Variants in CTNNA2 observed in about 807,000 individuals in gnomAD.
The protein encoded by CTNNA2 is catenin alpha-2.
A neutral mutation model predicts 101.0 loss-of-function variants in CTNNA2; 42 were observed. The observed-to-expected ratio is 0.42, with a 90% CI of 0.32 to 0.54. The LOEUF (loss-of-function observed/expected upper bound fraction) is 0.54, where lower values mean the gene tolerates loss of function less well. CTNNA2 is among the 20% of genes least tolerant of loss of function. CTNNA2 has a pLI of 0.14. For missense variants in CTNNA2, 871 were observed against 1,223.1 expected (o/e 0.71, Z 4.29); for synonymous variants, 450 against 456.4 (o/e 0.99, Z 0.18).
intron 7 of CTNNA2, among the ~76,000 whole-genome samples, chr2:79,918,592 A>C (rs1368888147): frequency 6.6e-6 from 1 of 152,202 alleles, no homozygotes; most frequent in African/African-American, 2.4e-5. Flanking sequence ...TCCTCTAAAA[A>C]TTTCTAACCA....
intron 9 of CTNNA2, among the ~76,000 whole-genome samples, chr2:80,447,278 T>C (rs996964771): frequency 2.0e-5 from 3 of 152,204 alleles, no homozygotes; most frequent in Admixed American, 2.0e-4. Flanking sequence ...CTTTTACCAT[T>C]GCAAATCTTT....
chr2:80,278,075 G>T (rs1299693336), intron 7 of CTNNA2, among the ~76,000 whole-genome samples: 3 of 152,090 alleles, frequency 2.0e-5, no homozygotes, highest in African/African-American at 7.2e-5. Flanking sequence ...CGTTGTCCAG[G>T]TGTATACATT....
intron 6 of CTNNA2, among the ~76,000 whole-genome samples, chr2:79,899,530 GCTT>G (rs1684941936): frequency 6.6e-6 from 1 of 152,114 alleles, no homozygotes; most frequent in Non-Finnish European, 1.5e-5. Flanking sequence ...CTAAATATAA[GCTT>G]CTTCTCAAAA....
chr2:79,817,226 G>C (rs1006653838), intron 3 of CTNNA2, among the ~76,000 whole-genome samples: 1 of 149,666 alleles, frequency 6.7e-6, no homozygotes, highest in Non-Finnish European at 1.5e-5. Context: ...GTGATGTGAG[G>C]TCATCTCTTC....
intron 3 of CTNNA2, among the ~76,000 whole-genome samples, chr2:79,835,396 C>A (rs1679245665): frequency 6.6e-6 from 1 of 152,108 alleles, no homozygotes; most frequent in South Asian, 2.1e-4. Flanking sequence ...AATGACCCAA[C>A]ATTTTAGTCA....
chr2:79,270,476 G>A (rs2104298929), intron 2 of CTNNA2, among the ~76,000 whole-genome samples: 1 of 152,088 alleles, frequency 6.6e-6, no homozygotes, highest in South Asian at 2.1e-4. Context: ...CTTGGTAATT[G>A]AGCTCACCTG....
chr2:80,356,661 T>G (rs1209862577), intron 7 of CTNNA2, among the ~76,000 whole-genome samples: 1 of 152,096 alleles, frequency 6.6e-6, no homozygotes, highest in Admixed American at 6.5e-5. Context: ...AAACAGTAAC[T>G]AAAATGTGCC....
chr2:79,676,835 A>C (rs1002455700), intron 2 of CTNNA2, among the ~76,000 whole-genome samples: 1 of 152,210 alleles, frequency 6.6e-6, no homozygotes, highest in Non-Finnish European at 1.5e-5. Flanking sequence ...TACATCAGCT[A>C]TCTAGATAAA....
At chr2:79,658,394 G>C (rs949905936) in intron 2 of CTNNA2, among the ~76,000 whole-genome samples, 1 of 152,002 alleles carries the variant, frequency 6.6e-6, no homozygotes, top group African/African-American at 2.4e-5. Flanking sequence ...CAGTAATACA[G>C]GCTTGCTTTC....
intron 7 of CTNNA2, among the ~76,000 whole-genome samples, chr2:79,955,764 C>T (rs754510871): frequency 2.6e-5 from 4 of 152,156 alleles, no homozygotes; most frequent in Non-Finnish European, 4.4e-5. Context: ...GATCCTTCTG[C>T]CTTGGCCTCC....
chr2:79,874,649 A>T (rs1010970417), intron 6 of CTNNA2, among the ~76,000 whole-genome samples: 1 of 152,152 alleles, frequency 6.6e-6, no homozygotes, highest in African/African-American at 2.4e-5. Flanking sequence ...TCTACTAAAA[A>T]TGTAAAACAT....
chr2:79,445,987 G>A (rs1051973848), intron 4 of CTNNA2, among the ~76,000 whole-genome samples: 7 of 152,022 alleles, frequency 4.6e-5, no homozygotes, highest in African/African-American at 1.2e-4. Context: ...GTGAAGTCCC[G>A]ACATATGTCA....
intron 7 of CTNNA2, among the ~76,000 whole-genome samples, chr2:80,090,450 A>T (rs1247754445): frequency 6.6e-6 from 1 of 151,774 alleles, no homozygotes; most frequent in Non-Finnish European, 1.5e-5. Context: ...TCTGGGAAAC[A>T]CTCCCTTTGG....
chr2:79,597,012 T>C (rs1162372771), intron 1 of CTNNA2, among the ~76,000 whole-genome samples: 2 of 152,204 alleles, frequency 1.3e-5, no homozygotes, highest in South Asian at 2.1e-4. Flanking sequence ...CCACCTTGCA[T>C]AGAGCTGCAC....
chr2:79,699,493 G>A (rs188191862), intron 2 of CTNNA2, among the ~76,000 whole-genome samples: 2 of 151,882 alleles, frequency 1.3e-5, no homozygotes, highest in East Asian at 3.9e-4. Context: ...TAAATTCAAG[G>A]CCAAAAGTCT....
intron 7 of CTNNA2, among the ~76,000 whole-genome samples, chr2:80,088,479 T>C (rs954045958): frequency 9.2e-5 from 14 of 152,032 alleles, no homozygotes; most frequent in African/African-American, 3.4e-4. Context: ...ACTATGGGTT[T>C]AGCATATGTT....
chr2:79,225,950 T>C (rs1466634315), intron 2 of CTNNA2, among the ~76,000 whole-genome samples: 1 of 152,192 alleles, frequency 6.6e-6, no homozygotes, highest in Non-Finnish European at 1.5e-5. Context: ...AAAATTAATG[T>C]CTCATTTTAA....
chr2:79,839,847 A>G (rs1679669569), intron 3 of CTNNA2, among the ~76,000 whole-genome samples: 1 of 152,020 alleles, frequency 6.6e-6, no homozygotes, highest in African/African-American at 2.4e-5. Flanking sequence ...CTATACTTAT[A>G]TTATCTGAAG....
chr2:80,032,012 T>G (rs1435868247), intron 7 of CTNNA2, among the ~76,000 whole-genome samples: 1 of 152,234 alleles, frequency 6.6e-6, no homozygotes, highest in East Asian at 1.9e-4. Context: ...AGCATTTTTC[T>G]TCTTCTCCTC....
Sources: allele counts gnomAD v4.1 joint callset (sites outside exome capture counted in the v4.1 genomes callset), GRCh38; gene constraint gnomAD v4.1.1; transcripts MANE v1.5; gene names NCBI Gene and HGNC (gene_info 2026-07-23, HGNC 2026-07-21).